The following SLC14A2 variants were observed in gnomAD, a reference collection of about 807,000 sequenced individuals.
The protein encoded by SLC14A2 is solute carrier family 14 member 2, also known as urea transporter 2.
Under a neutral mutation model 104.6 loss-of-function variants are expected in SLC14A2, and 91 were observed. That is an observed-to-expected ratio of 0.87 (90% CI 0.73 to 1.04). SLC14A2 has a LOEUF of 1.04. SLC14A2 is among the 50% of genes least tolerant of loss of function. The probability of loss-of-function intolerance (pLI) is 0.00; values close to 1 mark genes in which losing one functional copy is unlikely to be tolerated. For synonymous variants in SLC14A2, 476 were observed against 466.4 expected (o/e 1.02, Z -0.27); for missense variants, 1,189 against 1,156.0 (o/e 1.03, Z -0.41).
chr18:45,279,903 TGTG>T (rs200434283), intron 1 of SLC14A2, among the ~76,000 whole-genome samples: 2,163 of 152,262 alleles, frequency 0.014, 34 homozygotes, highest in Middle Eastern at 0.044. Context: ...AGTTCTTTGA[TGTG>T]GTGGTTGGAG....
upstream of SLC14A2, among the ~76,000 whole-genome samples, chr18:45,614,051 A>T (rs1212671595): frequency 6.6e-6 from 1 of 152,224 alleles, no homozygotes; most frequent in African/African-American, 2.4e-5. Context: ...CCTAGGAGGA[A>T]AAACAATGGG....
At chr18:45,391,495 C>T (rs550939709) in intron 1 of SLC14A2, among the ~76,000 whole-genome samples, 32 of 152,280 alleles carry the variant, frequency 2.1e-4, no homozygotes, top group Admixed American at 4.6e-4. Flanking sequence ...CCTGAGGAAT[C>T]GCCCCACTGA....
At chr18:45,355,248 G>T (rs1399690302) in intron 1 of SLC14A2, among the ~76,000 whole-genome samples, 1 of 152,080 alleles carries the variant, frequency 6.6e-6, no homozygotes, top group African/African-American at 2.4e-5. Context: ...ACTTTATGAT[G>T]CTAATAGAGA....
At chr18:45,579,233 C>T (rs1427303022) in intron 2 of SLC14A2, among the ~76,000 whole-genome samples, 3 of 152,200 alleles carry the variant, frequency 2.0e-5, no homozygotes, top group Non-Finnish European at 2.9e-5. Flanking sequence ...ATAAGAAATG[C>T]TACAAGGCTC....
intron 1 of SLC14A2, among the ~76,000 whole-genome samples, chr18:45,475,698 C>G (rs1286402301): frequency 9.9e-6 from 1 of 101,356 alleles, no homozygotes; most frequent in Non-Finnish European, 1.9e-5. Flanking sequence ...TGATAGTTAT[C>G]TCTTCTTGTT....
chr18:45,559,437 G>A (rs1418769311), intron 2 of SLC14A2, among the ~76,000 whole-genome samples: 1 of 152,162 alleles, frequency 6.6e-6, no homozygotes, highest in African/African-American at 2.4e-5. Context: ...AGTGTGTTCT[G>A]CTCACTCAGC....
At chr18:45,252,339 G>A (rs1479984372) in intron 1 of SLC14A2, among the ~76,000 whole-genome samples, 3 of 152,218 alleles carry the variant, frequency 2.0e-5, no homozygotes, top group Admixed American at 2.0e-4. Context: ...GAAATTATCT[G>A]TATCTGTGTT....
At chr18:45,170,985 C>T in the SLC14A2 span, among the ~76,000 whole-genome samples, 1 of 151,762 alleles carries the variant, frequency 6.6e-6, no homozygotes, top group African/African-American at 2.4e-5. Context: ...CAGACAGACA[C>T]AGACACTCAA....
At chr18:45,330,717 C>T (rs1348181766) in intron 1 of SLC14A2, among the ~76,000 whole-genome samples, 1 of 152,134 alleles carries the variant, frequency 6.6e-6, no homozygotes, top group African/African-American at 2.4e-5. Flanking sequence ...ACACGCTGTC[C>T]CTCGGGCCAT....
At chr18:45,410,780 G>A (rs1049052232) in intron 1 of SLC14A2, among the ~76,000 whole-genome samples, 4 of 152,182 alleles carry the variant, frequency 2.6e-5, no homozygotes, top group Admixed American at 2.0e-4. Context: ...ATTTCCAGCT[G>A]AGATAAATAA....
intron 1 of SLC14A2, among the ~76,000 whole-genome samples, chr18:45,431,031 A>G (rs1385577887): frequency 1.3e-5 from 2 of 152,214 alleles, no homozygotes; most frequent in Admixed American, 1.3e-4. Flanking sequence ...GGCATGAGAT[A>G]AGAAGTATTG....
chr18:45,524,362 C>A (rs2043560837), intron 2 of SLC14A2, among the ~76,000 whole-genome samples: 1 of 152,208 alleles, frequency 6.6e-6, no homozygotes, highest in South Asian at 2.1e-4. Context: ...CATTGCACTG[C>A]ATTCAACTCA....
At chr18:45,518,698 C>T (rs921880310) in intron 2 of SLC14A2, among the ~76,000 whole-genome samples, 1 of 152,144 alleles carries the variant, frequency 6.6e-6, no homozygotes, top group Non-Finnish European at 1.5e-5. Context: ...TTGGCCCTTC[C>T]TCTGTGTTTT....
chr18:45,465,419 C>G (rs2087122720), intron 1 of SLC14A2, among the ~76,000 whole-genome samples: 1 of 152,216 alleles, frequency 6.6e-6, no homozygotes, highest in African/African-American at 2.4e-5. Flanking sequence ...TCCCAATTTT[C>G]TATCATCTCT....
chr18:45,248,030 GC>G (rs1291169079), intron 1 of SLC14A2, among the ~76,000 whole-genome samples: 2 of 152,046 alleles, frequency 1.3e-5, no homozygotes, highest in Non-Finnish European at 2.9e-5. Context: ...TCAGTAGGGA[GC>G]AAAAAAACCC....
intron 1 of SLC14A2, among the ~76,000 whole-genome samples, chr18:45,280,878 A>C (rs550638053): frequency 5.9e-5 from 9 of 152,092 alleles, no homozygotes; most frequent in African/African-American, 2.2e-4. Context: ...CCAGCATCCC[A>C]CCATCCCAGC....
At chr18:45,646,643 T>A (rs2045631739) in intron 10 of SLC14A2, 1 of 152,192 alleles carries the variant, frequency 6.6e-6, no homozygotes, top group East Asian at 1.9e-4. Flanking sequence ...TATCGCTTTC[T>A]TTTCCCACCA....
At chr18:45,304,159 A>G (rs2084994607) in intron 1 of SLC14A2, among the ~76,000 whole-genome samples, 2 of 152,228 alleles carry the variant, frequency 1.3e-5, no homozygotes, top group African/African-American at 4.8e-5. Flanking sequence ...TTGCACATGT[A>G]CATATATATT....
chr18:45,560,890 T>C lies in SLC14A2; in HGVS notation c.-34-63741T>C, dbSNP rs57215262. Among the ~76,000 whole-genome samples the C allele has an allele frequency of 4.4e-3, 671 of 152,286 alleles. 9 individuals are homozygous for C. The highest frequency in any genetic ancestry group is 0.016 in the African/African-American group (647 of 41,552). On this transcript the variant is annotated intron_variant, in intron 2 of 20. Transcript: ENST00000586448. ...AGAAGAGGCCAATGTGCTATCCTCA[T>C]TGGGCTCCTAGAGGAAGACCAAATT...
Sources: allele counts gnomAD v4.1 joint callset (sites outside exome capture counted in the v4.1 genomes callset), GRCh38; gene constraint gnomAD v4.1.1; transcripts MANE v1.5; gene names NCBI Gene and HGNC (gene_info 2026-07-23, HGNC 2026-07-21).